Variants in RAD51B observed in about 807,000 individuals in gnomAD.
RAD51B encodes RAD51 paralog B, also known as DNA repair protein RAD51 homolog 2.
Under a neutral mutation model 42.2 loss-of-function variants are expected in RAD51B, and 38 were observed. The ratio of observed to expected loss-of-function variants is 0.90; its 90% CI spans 0.70 to 1.18. The LOEUF is 1.18. Ranked by LOEUF, RAD51B falls within the 50% of genes most tolerant of loss-of-function variation. The pLI is 0.00. For missense variants in RAD51B, 373 were observed against 400.7 expected, an observed-to-expected ratio of 0.93 and a Z score of 0.59; for synonymous variants, 154 against 145.2, an observed-to-expected ratio of 1.06 and a Z score of -0.43.
chr14:68,537,368 G>A (rs1474821239), intron 10 of RAD51B, among the ~76,000 whole-genome samples: 5 of 151,808 alleles, frequency 3.3e-5, no homozygotes, highest in African/African-American at 9.7e-5. Context: ...TCGTGGTGGC[G>A]GGCGCCTGTA....
intron 7 of RAD51B, among the ~76,000 whole-genome samples, chr14:68,203,585 A>T (rs1469528838): frequency 6.6e-6 from 1 of 151,990 alleles, no homozygotes; most frequent in Admixed American, 6.6e-5. Context: ...CTACCGAGAG[A>T]GTCAGCCTGT....
intron 7 of RAD51B, among the ~76,000 whole-genome samples, chr14:68,174,976 T>C (rs546787561): frequency 6.6e-6 from 1 of 152,312 alleles, no homozygotes; most frequent in East Asian, 1.9e-4. Context: ...ATTAATAATA[T>C]TTGCCCATGA....
intron 8 of RAD51B, among the ~76,000 whole-genome samples, chr14:68,296,736 T>C (rs1006172268): frequency 6.6e-6 from 1 of 152,206 alleles, no homozygotes; most frequent in African/African-American, 2.4e-5. Context: ...TACTTCATTA[T>C]GGTGACATGG....
chr14:68,258,932 T>C (rs965361171), intron 7 of RAD51B, among the ~76,000 whole-genome samples: 5 of 152,162 alleles, frequency 3.3e-5, no homozygotes, highest in Non-Finnish European at 7.3e-5. Context: ...TTCTGGAGCC[T>C]CTACTGCCGG....
intron 7 of RAD51B, among the ~76,000 whole-genome samples, chr14:67,889,981 G>T (rs989969217): frequency 2.0e-5 from 3 of 152,162 alleles, no homozygotes; most frequent in African/African-American, 7.2e-5. Flanking sequence ...CTGCCATTGG[G>T]ATGGAAGATG....
At chr14:68,640,142 T>C (rs1892426824) in intron 10 of RAD51B, among the ~76,000 whole-genome samples, 1 of 152,200 alleles carries the variant, frequency 6.6e-6, no homozygotes, top group Non-Finnish European at 1.5e-5. Flanking sequence ...AATGATTCCC[T>C]AATACTTTCC....
At chr14:68,567,114 A>G (rs1345750340) in intron 10 of RAD51B, among the ~76,000 whole-genome samples, 1 of 152,116 alleles carries the variant, frequency 6.6e-6, no homozygotes, top group East Asian at 1.9e-4. Context: ...CCTGGCTGAG[A>G]TGATGAAACC....
chr14:67,851,567 C>T (rs920970309), intron 4 of RAD51B, among the ~76,000 whole-genome samples: 3 of 151,934 alleles, frequency 2.0e-5, no homozygotes, highest in Non-Finnish European at 4.4e-5. Context: ...GCTGCTGGCA[C>T]TGGAGTTTCT....
intron 4 of RAD51B, among the ~76,000 whole-genome samples, chr14:67,846,385 C>G (rs2041615662): frequency 6.6e-6 from 1 of 152,140 alleles, no homozygotes; most frequent in South Asian, 2.1e-4. Flanking sequence ...ACACTCTACA[C>G]CACAGCTGTG....
At chr14:68,465,214 G>A (rs2085944930) in intron 9 of RAD51B, among the ~76,000 whole-genome samples, 2 of 152,144 alleles carry the variant, frequency 1.3e-5, no homozygotes, top group East Asian at 3.8e-4. Flanking sequence ...AAAGATCTGA[G>A]ATTTTTTTAT....
chr14:67,994,847 C>A lies in RAD51B; in HGVS notation c.756+107643C>A, dbSNP rs1324444535. ...TTTATAGCAGTGTTAGACACAATAA[C>A]CAAAAGGTGGAAGCAACCCAAATGT... On this transcript the variant is annotated intron_variant, in intron 7 of 10. Coordinates refer to ENST00000471583, the MANE Select transcript of RAD51B (RefSeq NM_133510.4). Among the ~76,000 whole-genome samples the A allele has an allele frequency of 2.6e-5, 4 of 152,016 alleles. 1 individual carries two copies. Among genetic ancestry groups the A allele is most frequent in the Non-Finnish European group, 1.5e-5 (1 of 67,996 alleles).
intron 11 of RAD51B, among the ~76,000 whole-genome samples, chr14:68,673,510 A>G (rs1054020255): frequency 2.6e-5 from 4 of 151,902 alleles, no homozygotes; most frequent in African/African-American, 7.3e-5. Flanking sequence ...ACATGTATGT[A>G]CACACATATG....
chr14:68,465,920 G>T (rs7149983), intron 9 of RAD51B, among the ~76,000 whole-genome samples: 23,669 of 145,708 alleles, frequency 0.16, 2,488 homozygotes, highest in Non-Finnish European at 0.24. Flanking sequence ...CAGCCTGGGT[G>T]ACAGAGCTAG....
intron 7 of RAD51B, among the ~76,000 whole-genome samples, chr14:68,133,803 G>A (rs2077951529): frequency 6.6e-6 from 1 of 151,936 alleles, no homozygotes; most frequent in Non-Finnish European, 1.5e-5. Context: ...GATTATTTTG[G>A]CTTGTTAAGA....
At chr14:68,597,320 G>T (rs1448751269), downstream of RAD51B, among the ~76,000 whole-genome samples, 1 of 152,180 alleles carries the variant, frequency 6.6e-6, no homozygotes, top group East Asian at 1.9e-4. Flanking sequence ...ATCCACTCCT[G>T]GTTGTTAGGG....
chr14:68,653,433 T>C (rs891420657), intron 11 of RAD51B, among the ~76,000 whole-genome samples: 6 of 152,198 alleles, frequency 3.9e-5, no homozygotes, highest in Non-Finnish European at 7.3e-5. Context: ...GCCGTGGATA[T>C]ACAAATAAGA....
chr14:67,954,979 T>C (rs2074520667), intron 7 of RAD51B, among the ~76,000 whole-genome samples: 1 of 151,736 alleles, frequency 6.6e-6, no homozygotes, highest in Admixed American at 6.6e-5. Context: ...GGTGGAGGTA[T>C]AGGGAGAGGA....
chr14:68,540,957 A>G (rs1887932877), intron 10 of RAD51B: 1 of 985,496 alleles, frequency 1.0e-6, no homozygotes, highest in African/African-American at 1.7e-5. Context: ...ACCCACAACT[A>G]TAATACATCT....
At chr14:68,387,982 A>G (rs999616932) in intron 8 of RAD51B, among the ~76,000 whole-genome samples, 2 of 151,578 alleles carry the variant, frequency 1.3e-5, no homozygotes, top group Admixed American at 6.6e-5. Flanking sequence ...AATATATTTG[A>G]CATTTATTTT....
Sources: allele counts gnomAD v4.1 joint callset (sites outside exome capture counted in the v4.1 genomes callset), GRCh38; gene constraint gnomAD v4.1.1; transcripts MANE v1.5; gene names NCBI Gene and HGNC (gene_info 2026-07-23, HGNC 2026-07-21).